UNC5D: variants seen among roughly 807,000 people sequenced by gnomAD.
UNC5D encodes the protein unc-5 netrin receptor D, also known as netrin receptor UNC5D.
In UNC5D, 39 loss-of-function variants were observed where a neutral mutation model predicts 105.4. The ratio of observed to expected loss-of-function variants is 0.37; its 90% CI spans 0.29 to 0.48. The LOEUF is 0.48. Among genes scored for constraint, UNC5D ranks in the 20% least tolerant of loss-of-function variants. UNC5D has a pLI of 0.98. For missense variants in UNC5D, 991 were observed against 1,202.4 expected (o/e 0.82, Z 2.60); for synonymous variants, 452 against 450.4 (o/e 1.00, Z -0.04).
chr8:35,261,182 C>T (rs960352433), intron 1 of UNC5D, among the ~76,000 whole-genome samples: 3 of 152,076 alleles, frequency 2.0e-5, no homozygotes, highest in Admixed American at 6.6e-5. Flanking sequence ...ATCAAAGGGC[C>T]GCTTAAAATT....
chr8:35,722,492 T>C, intron 9 of UNC5D, 97 bp downstream of exon 9: 1 of 1,453,392 alleles, frequency 6.9e-7, no homozygotes, highest in Non-Finnish European at 9.2e-7. Context: ...TGAAGGTAGC[T>C]CTTGGCACTG....
chr8:35,562,207 C>T (rs767849420), intron 2 of UNC5D, among the ~76,000 whole-genome samples: 15 of 152,160 alleles, frequency 9.9e-5, no homozygotes, highest in South Asian at 6.2e-4. Flanking sequence ...GATTTTATTC[C>T]TTTGTATGGT....
intron 7 of UNC5D, among the ~76,000 whole-genome samples, chr8:35,703,412 T>A (rs1827341307): frequency 6.6e-6 from 1 of 152,164 alleles, no homozygotes; most frequent in Non-Finnish European, 1.5e-5. Context: ...AACTGAAGGT[T>A]TAAATCCAGT....
intron 3 of UNC5D, among the ~76,000 whole-genome samples, chr8:35,570,699 ATC>A (rs1262535635): frequency 1.3e-5 from 2 of 152,054 alleles, no homozygotes; most frequent in Non-Finnish European, 2.9e-5. Context: ...CACTCCTGTA[ATC>A]CCAGCACTTT....
At chr8:35,594,892 A>T (rs188473486) in intron 3 of UNC5D, among the ~76,000 whole-genome samples, 183 of 152,342 alleles carry the variant, frequency 1.2e-3, no homozygotes, top group Non-Finnish European at 2.0e-3. Context: ...GGTTAATAGT[A>T]CAGCTTGTTT....
intron 11 of UNC5D, among the ~76,000 whole-genome samples, chr8:35,732,083 C>T (rs572943084): frequency 2.6e-4 from 40 of 152,142 alleles, no homozygotes; most frequent in Non-Finnish European, 4.1e-4. Flanking sequence ...ATACCTCTAG[C>T]ATTTTTAGTT....
At chr8:35,405,491 G>A (rs1426301500) in intron 1 of UNC5D, among the ~76,000 whole-genome samples, 1 of 152,066 alleles carries the variant, frequency 6.6e-6, no homozygotes, top group Non-Finnish European at 1.5e-5. Context: ...ATGTGACCTG[G>A]CAATAGCAAT....
chr8:35,568,116 T>C lies in UNC5D; in HGVS notation c.341T>C (p.Val114Ala). The C allele has an allele frequency of 1.2e-6, 2 of 1,614,166 alleles. No homozygotes were observed. Among genetic ancestry groups the C allele is most frequent in the Non-Finnish European group, 1.7e-6 (2 of 1,180,020 alleles). ...CCATCAGGTTTGAAGGTCCGCGAAG[T>C]GTTCATCAATGTTACTAGGCAACAG... ...DESSGLKVRE[V>A]FINVTRQQVE... Residue 114 changes from valine (V) to alanine (A), a missense_variant, in exon 3 of 17, where the codon GTG (valine) becomes GCG (alanine). Val to Ala is a moderately conservative substitution (Grantham distance 64, BLOSUM62 0). Around this residue, in one of 3 missense-constraint regions of UNC5D, gnomAD observed 944 missense variants for 1,131.6 expected, o/e 0.83. Coordinates refer to ENST00000404895, the MANE Select transcript of UNC5D (RefSeq NM_080872.4).
At chr8:35,533,578 A>G (rs373676498) in intron 1 of UNC5D, among the ~76,000 whole-genome samples, 10 of 152,182 alleles carry the variant, frequency 6.6e-5, no homozygotes, top group South Asian at 2.1e-4. Flanking sequence ...GCTCCACCCA[A>G]TTCGAGCTTC....
At chr8:35,365,404 T>A (rs557671969) in intron 1 of UNC5D, among the ~76,000 whole-genome samples, 1 of 152,112 alleles carries the variant, frequency 6.6e-6, no homozygotes, top group South Asian at 2.1e-4. Context: ...TGTGAACTAA[T>A]ATAGCAATAA....
intron 1 of UNC5D, among the ~76,000 whole-genome samples, chr8:35,538,812 T>C (rs963785213): frequency 1.4e-4 from 22 of 152,162 alleles, no homozygotes; most frequent in Non-Finnish European, 2.6e-4. Context: ...CTTTATGGGA[T>C]GTAGGCCAAA....
intron 1 of UNC5D, among the ~76,000 whole-genome samples, chr8:35,339,669 C>T (rs772795736): frequency 3.0e-4 from 45 of 152,244 alleles, no homozygotes; most frequent in Non-Finnish European, 5.7e-4. Flanking sequence ...GATTGGAAGA[C>T]GGGGACTGTA....
chr8:35,555,297 C>A (rs1017426859), intron 2 of UNC5D, among the ~76,000 whole-genome samples: 1 of 152,168 alleles, frequency 6.6e-6, no homozygotes, highest in Non-Finnish European at 1.5e-5. Context: ...GTTATGAATT[C>A]CCTACATAAA....
At chr8:35,420,164 A>G (rs1805801686) in intron 1 of UNC5D, among the ~76,000 whole-genome samples, 2 of 152,210 alleles carry the variant, frequency 1.3e-5, no homozygotes, top group Non-Finnish European at 2.9e-5. Context: ...GAATTTGTCT[A>G]TCATATTGAA....
chr8:35,311,509 T>C (rs1808883412), intron 1 of UNC5D, among the ~76,000 whole-genome samples: 1 of 152,080 alleles, frequency 6.6e-6, no homozygotes, highest in Non-Finnish European at 1.5e-5. Flanking sequence ...TTCCTAGGTC[T>C]TTTGTGAGGG....
At chr8:35,585,778 TAAG>T (rs886862220) in intron 3 of UNC5D, among the ~76,000 whole-genome samples, 2 of 151,472 alleles carry the variant, frequency 1.3e-5, no homozygotes, top group African/African-American at 4.8e-5. Flanking sequence ...TATATAATAA[TAAG>T]GGGAATATAT....
chr8:35,745,975 G>C (rs1411481994), intron 11 of UNC5D, among the ~76,000 whole-genome samples: 1 of 149,594 alleles, frequency 6.7e-6, no homozygotes, highest in Non-Finnish European at 1.5e-5. Flanking sequence ...CCTTAAGAAG[G>C]CTCATTTTTT....
At chr8:35,537,715 T>G (rs1814941799) in intron 1 of UNC5D, among the ~76,000 whole-genome samples, 3 of 149,612 alleles carry the variant, frequency 2.0e-5, no homozygotes, top group Admixed American at 2.0e-4. Flanking sequence ...AATAAAATAA[T>G]AAATAAGTAA....
At chr8:35,495,614 A>T (rs574097542) in intron 1 of UNC5D, among the ~76,000 whole-genome samples, 2 of 152,206 alleles carry the variant, frequency 1.3e-5, no homozygotes, top group South Asian at 4.1e-4. Context: ...TGCCTGACTT[A>T]TAGGAAGGTG....
Sources: allele counts gnomAD v4.1 joint callset (sites outside exome capture counted in the v4.1 genomes callset), GRCh38; gene constraint gnomAD v4.1.1; regional missense constraint gnomAD v4.1.1; transcripts MANE v1.5; gene names NCBI Gene and HGNC (gene_info 2026-07-23, HGNC 2026-07-21).